MTBP: variants seen among roughly 807,000 people sequenced by gnomAD.
The protein encoded by MTBP is mdm2-binding protein.
In MTBP, 101 loss-of-function variants were observed where a neutral mutation model predicts 117.0. That is an observed-to-expected ratio of 0.86 (90% confidence interval 0.73 to 1.02). The LOEUF (loss-of-function observed/expected upper bound fraction) is 1.02, where lower values mean the gene tolerates loss of function less well. MTBP is among the 50% of genes least tolerant of loss of function. The pLI is 0.00. For synonymous variants in MTBP, 350 were observed against 351.5 expected (o/e 1.00, Z 0.05); for missense variants, 970 against 1,030.9 (o/e 0.94, Z 0.81).
At chr8:120,455,366 G>A in intron 5 of MTBP, 69 bp from the exon 6 acceptor site, 3 of 860,000 alleles carry the variant, frequency 3.5e-6, no homozygotes, top group Non-Finnish European at 5.3e-6. Flanking sequence ...CAGTTCTTCA[G>A]GGTACTATTT....
At chr8:120,490,883 T>G (rs1049355200) in intron 13 of MTBP, among the ~76,000 whole-genome samples, 4 of 152,186 alleles carry the variant, frequency 2.6e-5, no homozygotes, top group Non-Finnish European at 4.4e-5. Context: ...TGTATAACTC[T>G]TGATAAAATA....
At chr8:120,446,552 T>A in intron 2 of MTBP, 39 bp downstream of exon 2, 4 of 1,194,558 alleles carry the variant, frequency 3.3e-6, no homozygotes, top group Non-Finnish European at 5.0e-6. Context: ...GGCACAGCAT[T>A]TGTACTGGAA....
Position 120,516,136 on chromosome 8 carries a change from G to T in MTBP, c.2191G>T (p.Val731Leu). ...TTTACAAAATGAACTTCGAACTGAA[G>T]TATCCCGATTGAAACGGAGATCTAA... The part of the protein sequence containing the change: ...EVLQNELRTE[V>L]SRLKRRSKDL... The change falls in exon 18 of 22, where the codon GTA becomes TTA. Residue 731 changes from valine to leucine, a missense_variant. By Grantham distance (32) the Val-to-Leu change is conservative. Transcript: ENST00000305949. 1 of 1,612,708 alleles carries T rather than the reference G, an allele frequency of 6.2e-7. No homozygotes were observed. Among genetic ancestry groups the T allele is most frequent in the Non-Finnish European group, 8.5e-7 (1 of 1,179,072 alleles).
chr8:120,460,773 T>C (rs893974479), intron 8 of MTBP, among the ~76,000 whole-genome samples: 14 of 152,168 alleles, frequency 9.2e-5, no homozygotes, highest in African/African-American at 2.9e-4. Context: ...TTCACTTTTT[T>C]AGTCTGCAGA....
At chr8:120,506,647 C>A in intron 15 of MTBP, 59 bp from the exon 16 acceptor site, 9 of 1,150,558 alleles carry the variant, frequency 7.8e-6, no homozygotes, top group East Asian at 3.0e-5. Flanking sequence ...TTTTTTGACT[C>A]TGGCTTCTCT....
At chr8:120,457,109 G>A (rs977199436) in intron 7 of MTBP, among the ~76,000 whole-genome samples, 3 of 152,080 alleles carry the variant, frequency 2.0e-5, no homozygotes, top group Non-Finnish European at 4.4e-5. Flanking sequence ...TACCTTAGGT[G>A]ATCTTTGCTG....
At chr8:120,505,471 G>C (rs1281640100) in intron 15 of MTBP, among the ~76,000 whole-genome samples, 1 of 152,046 alleles carries the variant, frequency 6.6e-6, no homozygotes, top group Non-Finnish European at 1.5e-5. Context: ...TTTGTTGACT[G>C]TTTTTATTAG....
At chr8:120,499,538 C>T (rs1027975322) in intron 14 of MTBP, among the ~76,000 whole-genome samples, 3 of 152,116 alleles carry the variant, frequency 2.0e-5, no homozygotes, top group Non-Finnish European at 2.9e-5. Context: ...TGATTTTTAA[C>T]ATCTTTTGTT....
At chr8:120,480,670 G>A (rs11989221) in intron 11 of MTBP, among the ~76,000 whole-genome samples, 31,518 of 151,834 alleles carry the variant, frequency 0.21, 3,433 homozygotes, top group Middle Eastern at 0.27. Context: ...AATTGGATAT[G>A]CATATGTAAA....
intron 11 of MTBP, among the ~76,000 whole-genome samples, chr8:120,481,781 T>C (rs1384229789): frequency 6.6e-6 from 1 of 152,228 alleles, no homozygotes; most frequent in Admixed American, 6.5e-5. Flanking sequence ...TAAATACATA[T>C]GTAATTTTAC....
Position 120,522,577 on chromosome 8 carries a change from A to C in MTBP, c.2611-77A>C, listed in dbSNP as rs1054206473. Reference sequence around the variant, plus strand: ...TGTAGAATGATTTAGAATAATCTCAAGTGTATTTAATAATAATGAGTTGTT... The same window carrying C: ...TGTAGAATGATTTAGAATAATCTCACGTGTATTTAATAATAATGAGTTGTT... On this transcript the variant is annotated intron_variant, in intron 20 of 21. Transcript: ENST00000305949. The C allele has an allele frequency of 7.3e-5, 70 of 961,362 alleles. No individual in the cohort carries two copies. The South Asian group carries it at 1.1e-3, about 14-fold the overall frequency. 59.6% of individuals were successfully genotyped at this position (961,362 alleles called of 1,614,324 possible).
At chr8:120,476,577 T>A (rs1041276055) in intron 11 of MTBP, among the ~76,000 whole-genome samples, 1 of 152,090 alleles carries the variant, frequency 6.6e-6, no homozygotes, top group African/African-American at 2.4e-5. Flanking sequence ...ACAAAATCAA[T>A]GTGCAAAAAT....
intron 9 of MTBP, among the ~76,000 whole-genome samples, chr8:120,461,945 A>T (rs1391580922): frequency 6.6e-6 from 1 of 152,186 alleles, no homozygotes; most frequent in Non-Finnish European, 1.5e-5. Flanking sequence ...TTTCTTATTG[A>T]AAGTTCTTTG....
intron 21 of MTBP, 71 bp downstream of exon 21, chr8:120,522,790 A>G: frequency 1.7e-6 from 2 of 1,164,830 alleles, no homozygotes; most frequent in Non-Finnish European, 2.5e-6. Flanking sequence ...CTCTGATGCC[A>G]TTATATATGC....
At chr8:120,480,869 C>G (rs1814068455) in intron 11 of MTBP, among the ~76,000 whole-genome samples, 1 of 151,972 alleles carries the variant, frequency 6.6e-6, no homozygotes, top group Non-Finnish European at 1.5e-5. Flanking sequence ...GTTCAAAATG[C>G]TTACTTTTTG....
intron 18 of MTBP, among the ~76,000 whole-genome samples, chr8:120,517,430 C>A (rs1235498137): frequency 6.6e-6 from 1 of 151,850 alleles, no homozygotes; most frequent in Non-Finnish European, 1.5e-5. Context: ...GAGAGTATAA[C>A]AATATTGTTT....
At chr8:120,484,259 A>G (rs1486879631) in intron 11 of MTBP, among the ~76,000 whole-genome samples, 3 of 152,194 alleles carry the variant, frequency 2.0e-5, no homozygotes, top group Non-Finnish European at 4.4e-5. Context: ...TAAAACTGGT[A>G]ACAACAAGTG....
intron 13 of MTBP, among the ~76,000 whole-genome samples, chr8:120,493,352 A>T (rs554093627): frequency 1.8e-4 from 28 of 152,046 alleles, no homozygotes; most frequent in Non-Finnish European, 2.8e-4. Flanking sequence ...TTCTGTCTCC[A>T]TTTCTTAATC....
chr8:120,448,570 A>G (rs1004343082), intron 2 of MTBP, among the ~76,000 whole-genome samples: 3 of 152,222 alleles, frequency 2.0e-5, no homozygotes, highest in African/African-American at 7.2e-5. Flanking sequence ...ACAGTGACCA[A>G]TCAATGACGT....
Sources: allele counts gnomAD v4.1 joint callset (sites outside exome capture counted in the v4.1 genomes callset), GRCh38; gene constraint gnomAD v4.1.1; transcripts MANE v1.5; gene names NCBI Gene and HGNC (gene_info 2026-07-23, HGNC 2026-07-21).